Variants in VAV3 observed in about 807,000 individuals in gnomAD.
The protein encoded by VAV3 is vav guanine nucleotide exchange factor 3.
In VAV3, 94 loss-of-function variants were observed where a neutral mutation model predicts 131.2. That is an observed-to-expected ratio of 0.72 (90% CI 0.61 to 0.85). VAV3 has a LOEUF of 0.85. Ranked by LOEUF, VAV3 falls within the 40% of genes least tolerant of loss-of-function variation. The pLI, the probability that VAV3 is intolerant of heterozygous loss-of-function variation, is 0.00. For missense variants in VAV3, 939 were observed against 1,002.7 expected, an observed-to-expected ratio of 0.94 and a Z score of 0.86; for synonymous variants, 349 against 342.0, an observed-to-expected ratio of 1.02 and a Z score of -0.22.
intron 19 of VAV3, among the ~76,000 whole-genome samples, chr1:107,647,295 A>C (rs372728140): frequency 6.6e-6 from 1 of 151,214 alleles, no homozygotes; most frequent in African/African-American, 2.4e-5. Flanking sequence ...AAATCTAAAC[A>C]CAGCCACATT....
At chr1:107,612,178 T>G (rs1544084) in intron 21 of VAV3, among the ~76,000 whole-genome samples, 142,074 of 149,674 alleles carry the variant, frequency 0.95, 67,839 homozygotes, top group East Asian at 1. Context: ...ATATTTATAT[T>G]GGTCTATATA....
intron 19 of VAV3, chr1:107,668,862 T>C: frequency 2.0e-6 from 2 of 985,574 alleles, no homozygotes; most frequent in Non-Finnish European, 1.2e-6. Context: ...CACTTTATTT[T>C]AGCTTCTAGC....
At chr1:107,602,933 A>G (rs773699554) in intron 23 of VAV3, 114 bp downstream of exon 23, 20 of 753,232 alleles carry the variant, frequency 2.7e-5, no homozygotes, top group Non-Finnish European at 4.0e-5. Context: ...TAGATGCATT[A>G]TTTCTCCTTC....
chr1:107,879,599 T>A (rs146412674), intron 1 of VAV3, among the ~76,000 whole-genome samples: 1 of 152,274 alleles, frequency 6.6e-6, no homozygotes, highest in Non-Finnish European at 1.5e-5. Context: ...AGAAGTTATC[T>A]GCTAGACCTT....
At position 107,874,997 on chromosome 1, in the gene VAV3, T is replaced by C; in HGVS notation, c.225A>G (p.Ile75Met). 6.2e-7 allele frequency: 1 copy of C among 1,613,184 alleles called. No homozygotes were observed. The highest frequency in any genetic ancestry group is 1.3e-5 in the African/African-American group (1 of 74,978). Reference protein sequence around the residue: ...QMSQFLCLKNIRTFLTACCET... With the variant: ...QMSQFLCLKNMRTFLTACCET... ...CACAACAGGCCGTGAGAAATGTCCT[T>C]ATGTTCTTCAAACAGAGAAACTGAG... is the stretch of plus-strand genomic sequence containing the variant. The change falls in exon 2 of 27, where the codon ATA (isoleucine) becomes ATG (methionine). Residue 75 changes from isoleucine (I) to methionine (M), a missense_variant. Transcript: ENST00000370056.
At chr1:107,619,415 A>G (rs1210005267) in intron 20 of VAV3, among the ~76,000 whole-genome samples, 1 of 152,194 alleles carries the variant, frequency 6.6e-6, no homozygotes, top group East Asian at 1.9e-4. Flanking sequence ...CAAGTGCTCT[A>G]TAATGGTTTG....
At chr1:107,829,363 T>G (rs1668148600) in intron 2 of VAV3, among the ~76,000 whole-genome samples, 1 of 152,212 alleles carries the variant, frequency 6.6e-6, no homozygotes, top group Non-Finnish European at 1.5e-5. Context: ...CTAGCTGCAT[T>G]CTGTCAGCAA....
At chr1:107,831,524 A>G (rs1422700876) in intron 2 of VAV3, among the ~76,000 whole-genome samples, 1 of 152,140 alleles carries the variant, frequency 6.6e-6, no homozygotes, top group Non-Finnish European at 1.5e-5. Context: ...CTCACAATTC[A>G]TATTTAACCT....
intron 1 of VAV3, among the ~76,000 whole-genome samples, chr1:107,943,386 A>G (rs989543452): frequency 6.6e-6 from 1 of 152,204 alleles, no homozygotes; most frequent in South Asian, 2.1e-4. Context: ...CATTTGGCCT[A>G]GAACAAAATT....
chr1:107,661,018 A>G (rs2101624232), intron 19 of VAV3, among the ~76,000 whole-genome samples: 3 of 152,164 alleles, frequency 2.0e-5, no homozygotes, highest in Middle Eastern at 6.8e-3. Context: ...ATATCTATAT[A>G]CACACACACA....
chr1:107,935,709 G>A (rs567816993), intron 1 of VAV3, among the ~76,000 whole-genome samples: 1 of 152,292 alleles, frequency 6.6e-6, no homozygotes, highest in African/African-American at 2.4e-5. Context: ...ATGACAAAGG[G>A]GAAGTGCTAG....
intron 25 of VAV3, among the ~76,000 whole-genome samples, chr1:107,576,787 A>G (rs1649685456): frequency 6.6e-6 from 1 of 152,218 alleles, no homozygotes; most frequent in African/African-American, 2.4e-5. Context: ...GAAAGGGGTA[A>G]CCTGTAGATG....
At chr1:107,582,711 T>C (rs1650158848) in intron 25 of VAV3, among the ~76,000 whole-genome samples, 1 of 152,016 alleles carries the variant, frequency 6.6e-6, no homozygotes, top group Non-Finnish European at 1.5e-5. Flanking sequence ...TGATTTCCAA[T>C]TTCATCCATG....
In VAV3 at chr1:107,775,637, C is replaced by T. The variant is rs186771528; in HGVS notation, c.446+1594G>A. On this transcript the variant is annotated intron_variant, in intron 4 of 26. Coordinates refer to ENST00000370056, the MANE Select transcript of VAV3 (RefSeq NM_006113.5). ...ATCACGGCACTAGAAATTAAATATT[C>T]CCCTTAAACAATCTGAGTACATTAC... Among the ~76,000 whole-genome samples, 1,159 of 149,704 alleles carry T rather than the reference C, an allele frequency of 7.7e-3. 13 individuals are homozygous for T. The highest frequency in any genetic ancestry group is 0.059 in the Middle Eastern group (17 of 288).
intron 25 of VAV3, among the ~76,000 whole-genome samples, chr1:107,591,535 G>A (rs1345659082): frequency 2.6e-5 from 4 of 152,120 alleles, no homozygotes; most frequent in Admixed American, 2.0e-4. Context: ...TGTTCCACAC[G>A]TCCTGAAATC....
At chr1:107,723,063 T>C (rs1225557586) in intron 15 of VAV3, among the ~76,000 whole-genome samples, 1 of 152,144 alleles carries the variant, frequency 6.6e-6, no homozygotes, top group East Asian at 1.9e-4. Context: ...TGTTATTGTG[T>C]AATTATTTGT....
chr1:107,669,590 G>A (rs1446886363), intron 19 of VAV3: 1 of 1,135,652 alleles, frequency 8.8e-7, no homozygotes, highest in African/African-American at 1.7e-5. Flanking sequence ...GTAGACTAGA[G>A]CCTCCTTTTC....
chr1:107,654,971 C>G (rs1656434192), intron 19 of VAV3, among the ~76,000 whole-genome samples: 1 of 151,856 alleles, frequency 6.6e-6, no homozygotes, highest in Non-Finnish European at 1.5e-5. Context: ...CAAATTGTGC[C>G]AAGAAGTTAT....
chr1:107,582,297 G>C (rs1650112720), intron 25 of VAV3, among the ~76,000 whole-genome samples: 1 of 152,038 alleles, frequency 6.6e-6, no homozygotes, highest in Admixed American at 6.6e-5. Context: ...TAGAACTCAG[G>C]CATATCGTTT....
Sources: allele counts gnomAD v4.1 joint callset (sites outside exome capture counted in the v4.1 genomes callset), GRCh38; gene constraint gnomAD v4.1.1; transcripts MANE v1.5; gene names NCBI Gene and HGNC (gene_info 2026-07-23, HGNC 2026-07-21).